NEGR1: variants seen among roughly 807,000 people sequenced by gnomAD.
NEGR1 encodes the protein IgLON family member 4.
NEGR1 carries 10 observed loss-of-function variants against 40.9 expected under a neutral mutation model. That is an observed-to-expected ratio of 0.24 (90% CI 0.15 to 0.42). NEGR1 has a LOEUF of 0.42. Among genes scored for constraint, NEGR1 ranks in the 10% least tolerant of loss-of-function variants. The pLI, the probability that NEGR1 is intolerant of heterozygous loss-of-function variation, is 1.00. For synonymous variants in NEGR1, 185 were observed against 166.8 expected (o/e 1.11, Z -0.84); for missense variants, 352 against 438.9 (o/e 0.80, Z 1.77).
chr1:71,619,790 G>C (rs1650554471), intron 4 of NEGR1, among the ~76,000 whole-genome samples: 1 of 151,978 alleles, frequency 6.6e-6, no homozygotes, highest in Admixed American at 6.6e-5. Context: ...AGTCATTTCA[G>C]GATGAAGATA....
chr1:71,992,333 T>C (rs1646461267), intron 1 of NEGR1, among the ~76,000 whole-genome samples: 1 of 152,120 alleles, frequency 6.6e-6, no homozygotes, highest in African/African-American at 2.4e-5. Flanking sequence ...TTACAAATAT[T>C]GCAGCACTAA....
chr1:72,180,801 T>G (rs188656756), intron 1 of NEGR1, among the ~76,000 whole-genome samples: 1 of 152,118 alleles, frequency 6.6e-6, no homozygotes, highest in African/African-American at 2.4e-5. Context: ...CAAAATGTTA[T>G]AAGAGCCCTA....
intron 6 of NEGR1, among the ~76,000 whole-genome samples, chr1:71,466,765 G>C (rs566210759): frequency 6.6e-6 from 1 of 152,194 alleles, no homozygotes; most frequent in East Asian, 1.9e-4. Flanking sequence ...TTGAAAAAGG[G>C]TTGCAGATAA....
chr1:72,094,157 G>A (rs927429630), intron 1 of NEGR1, among the ~76,000 whole-genome samples: 1 of 152,116 alleles, frequency 6.6e-6, no homozygotes, highest in African/African-American at 2.4e-5. Context: ...ATGCTCAAGT[G>A]TAGGGGAAAC....
At chr1:71,800,652 C>T (rs981827904) in intron 2 of NEGR1, among the ~76,000 whole-genome samples, 3 of 152,042 alleles carry the variant, frequency 2.0e-5, no homozygotes, top group Admixed American at 6.6e-5. Flanking sequence ...CCTCTGTGTG[C>T]TTATGCTTTG....
chr1:72,169,554 G>GT (rs1158732728), intron 1 of NEGR1, among the ~76,000 whole-genome samples: 1 of 152,020 alleles, frequency 6.6e-6, no homozygotes, highest in African/African-American at 2.4e-5. Context: ...CTTCTTTATG[G>GT]TTTTGAATAT....
intron 1 of NEGR1, among the ~76,000 whole-genome samples, chr1:72,146,482 CCA>C (rs1344080490): frequency 2.0e-5 from 3 of 152,118 alleles, no homozygotes; most frequent in African/African-American, 7.2e-5. Context: ...TGCCAACCAA[CCA>C]CAGATTGCAC....
At chr1:72,079,707 A>G (rs994974191) in intron 1 of NEGR1, among the ~76,000 whole-genome samples, 1 of 152,130 alleles carries the variant, frequency 6.6e-6, no homozygotes, top group Non-Finnish European at 1.5e-5. Context: ...TAAGGAATGA[A>G]GACCAAATAT....
Position 72,029,396 on chromosome 1 carries a change from G to T in NEGR1, c.177-94085C>A, listed in dbSNP as rs538512339. On this transcript the variant is annotated intron_variant, in intron 1 of 6. Transcript: ENST00000357731. ...CAGTATTGTTTTTATAATGATCAAG[G>T]TATAAGAAAAAGCAAGCAAGGGGCT... 5.3e-5 allele frequency among the ~76,000 whole-genome samples: 8 copies of T among 152,220 alleles called. No homozygotes were observed. In the South Asian group the frequency reaches 1.0e-3, roughly 20 times the overall value.
chr1:71,711,815 A>T (rs1401279289), intron 3 of NEGR1, among the ~76,000 whole-genome samples: 2 of 152,234 alleles, frequency 1.3e-5, no homozygotes, highest in Non-Finnish European at 2.9e-5. Flanking sequence ...TTATTCATAC[A>T]TATGAAACAT....
chr1:71,709,940 G>A (rs553405420), intron 3 of NEGR1, among the ~76,000 whole-genome samples: 1 of 152,270 alleles, frequency 6.6e-6, no homozygotes, highest in African/African-American at 2.4e-5. Context: ...CAGTCTATGA[G>A]TTGAAGAGAC....
chr1:72,238,971 T>C (rs1218179205), intron 1 of NEGR1, among the ~76,000 whole-genome samples: 1 of 151,700 alleles, frequency 6.6e-6, no homozygotes, highest in African/African-American at 2.4e-5. Context: ...TTTCTGAGAG[T>C]CTTCATTGTA....
chr1:71,436,360 G>A (rs1312333773), intron 6 of NEGR1, among the ~76,000 whole-genome samples: 1 of 152,142 alleles, frequency 6.6e-6, no homozygotes, highest in African/African-American at 2.4e-5. Context: ...CTGAACCAGT[G>A]CCAGACAATG....
chr1:71,694,288 TATG>T (rs1464554335), intron 4 of NEGR1, among the ~76,000 whole-genome samples: 2 of 151,488 alleles, frequency 1.3e-5, no homozygotes, highest in African/African-American at 2.4e-5. Flanking sequence ...AAGGTTTAAT[TATG>T]ATAATTTTCA....
intron 4 of NEGR1, among the ~76,000 whole-genome samples, chr1:71,625,987 G>C (rs1442551079): frequency 6.6e-6 from 1 of 151,804 alleles, no homozygotes; most frequent in Non-Finnish European, 1.5e-5. Flanking sequence ...ATAGGAGTGT[G>C]AACCCTATTG....
intron 3 of NEGR1, among the ~76,000 whole-genome samples, chr1:71,702,149 T>C (rs1430429657): frequency 6.6e-6 from 1 of 152,052 alleles, no homozygotes; most frequent in Non-Finnish European, 1.5e-5. Context: ...AGGAAAATTT[T>C]TAAATCAACT....
chr1:72,062,430 A>T (rs1000465246), intron 1 of NEGR1, among the ~76,000 whole-genome samples: 7 of 151,918 alleles, frequency 4.6e-5, no homozygotes, highest in African/African-American at 1.7e-4. Context: ...CTTGTACTAC[A>T]TGCATTTATA....
chr1:71,696,262 C>G (rs1167218946), intron 4 of NEGR1, among the ~76,000 whole-genome samples: 1 of 151,492 alleles, frequency 6.6e-6, no homozygotes, highest in Non-Finnish European at 1.5e-5. Context: ...AAAGAGAATC[C>G]GATTAAATAA....
intron 1 of NEGR1, among the ~76,000 whole-genome samples, chr1:72,058,831 A>G (rs1647138714): frequency 6.6e-6 from 1 of 151,600 alleles, no homozygotes; most frequent in Admixed American, 6.6e-5. Context: ...AAATGTTCAA[A>G]TTGTTTCCTT....
Sources: allele counts gnomAD v4.1 joint callset (sites outside exome capture counted in the v4.1 genomes callset), GRCh38; gene constraint gnomAD v4.1.1; transcripts MANE v1.5; gene names NCBI Gene and HGNC (gene_info 2026-07-23, HGNC 2026-07-21).